Variants in NFATC2IP observed in about 807,000 individuals in gnomAD.
NFATC2IP encodes the protein NFATC2-interacting protein.
Under a neutral mutation model 40.2 loss-of-function variants are expected in NFATC2IP, and 25 were observed. That is an observed-to-expected ratio of 0.62 (90% CI 0.45 to 0.87). NFATC2IP has a LOEUF of 0.87. Among genes scored for constraint, NFATC2IP ranks in the 40% least tolerant of loss-of-function variants. The pLI, the probability that NFATC2IP is intolerant of heterozygous loss-of-function variation, is 0.00. For synonymous variants in NFATC2IP, 241 were observed against 236.3 expected (o/e 1.02, Z -0.18); for missense variants, 553 against 555.6 (o/e 1.00, Z 0.05).
chr16:28,956,206 CA>C lies in NFATC2IP; in HGVS notation c.716del (p.Gln239ArgfsTer84). 6.2e-7 allele frequency: 1 copy of C among 1,614,100 alleles called. No individual in the cohort carries two copies. The highest frequency in any genetic ancestry group is 8.5e-7 in the Non-Finnish European group (1 of 1,179,994). On this transcript the variant is annotated frameshift_variant, in exon 5 of 8. Transcript: ENST00000320805. LOFTEE classifies it high-confidence loss of function. Reference sequence around the variant, plus strand: ...TTCCTGTCTGAGCCCCAAGCCACCTCAGGGTCAAGAGCAACAGGGCCAAGAG... The same window carrying C: ...TTCCTGTCTGAGCCCCAAGCCACCTCGGGTCAAGAGCAACAGGGCCAAGAG... ...LRSCLSPKPP[Q>X]GQEQQGQEDE...
intron 5 of NFATC2IP, 27 bp downstream of exon 5, chr16:28,956,364 G>A (rs1156578349): frequency 6.3e-7 from 1 of 1,587,414 alleles, no homozygotes; most frequent in Non-Finnish European, 8.6e-7. Context: ...CATGGGAGAA[G>A]GACCCAGGAG....
intron 7 of NFATC2IP, among the ~76,000 whole-genome samples, chr16:28,960,003 TGA>T (rs1311911663): frequency 2.6e-5 from 4 of 152,228 alleles, no homozygotes; most frequent in African/African-American, 9.6e-5. Flanking sequence ...TGGTTCCGTC[TGA>T]GAATCTGAGT....
intron 3 of NFATC2IP, among the ~76,000 whole-genome samples, chr16:28,955,429 A>G (rs1427611469): frequency 6.6e-6 from 1 of 152,130 alleles, no homozygotes; most frequent in East Asian, 1.9e-4. Flanking sequence ...TCTGTCGGAT[A>G]TTATTGGACA....
At chr16:28,963,638 G>C in intron 7 of NFATC2IP, 67 bp from the exon 8 acceptor site, 2 of 1,455,586 alleles carry the variant, frequency 1.4e-6, no homozygotes, top group Non-Finnish European at 1.9e-6. Flanking sequence ...CAAGTTCCTC[G>C]TCTATCCCTA....
chr16:28,963,632 T>TCC (rs1965112192), intron 7 of NFATC2IP, 73 bp from the exon 8 acceptor site: 8 of 1,380,158 alleles, frequency 5.8e-6, no homozygotes, highest in Middle Eastern at 3.8e-4. Flanking sequence ...CTGTCCCAAG[T>TCC]TCCTCGTCTA....
In NFATC2IP at chr16:28,950,960, GGGCGGGGCGAGGCGAGAGGA is replaced by G; in HGVS notation, c.-45_-26del. The stretch of plus-strand genomic sequence containing the variant: ...AATGCAAGGCGAAAGTCGCTGAAGG[GGGCGGGGCGAGGCGAGAGGA>G]GGCGGGCGTGTGTTGTGGAGGAAAG... On this transcript the variant is annotated 5_prime_UTR_variant, in exon 1 of 8. Coordinates refer to ENST00000320805, the MANE Select transcript of NFATC2IP (RefSeq NM_032815.4). 7.0e-7 allele frequency: 1 copy of G among 1,435,908 alleles called. No individual in the cohort carries two copies. The highest frequency in any genetic ancestry group is 1.5e-5 in the African/African-American group (1 of 68,070). The allele number at this position is 1,435,908 out of a possible 1,614,324, so 88.9% of individuals were successfully genotyped here.
intron 1 of NFATC2IP, 35 bp downstream of exon 1, chr16:28,951,433 G>A (rs1488115357): frequency 7.3e-7 from 1 of 1,379,052 alleles, no homozygotes; most frequent in East Asian, 2.9e-5. Context: ...CCGGCGGAAG[G>A]GCCAAGGGCT....
At chr16:28,963,674 C>T (rs1965112911) in intron 7 of NFATC2IP, 31 bp from the exon 8 acceptor site, 2 of 1,608,784 alleles carry the variant, frequency 1.2e-6, no homozygotes, top group African/African-American at 2.7e-5. Flanking sequence ...CTTTCATGTT[C>T]TGACGTCCAT....
In NFATC2IP at chr16:28,950,954, T is replaced by C; in HGVS notation, c.-58T>C. On this transcript the variant is annotated 5_prime_UTR_variant, in exon 1 of 8. Coordinates refer to ENST00000320805, the MANE Select transcript of NFATC2IP (RefSeq NM_032815.4). ...TTGTCCAATGCAAGGCGAAAGTCGC[T>C]GAAGGGGGCGGGGCGAGGCGAGAGG... The C allele has an allele frequency of 2.8e-6, 4 of 1,423,438 alleles. No homozygotes were observed. Among genetic ancestry groups the C allele is most frequent in the Non-Finnish European group, 3.7e-6 (4 of 1,094,646 alleles). The allele number at this position is 1,423,438 out of a possible 1,614,324, so 88.2% of individuals were successfully genotyped here.
rs768906176 is a variant in NFATC2IP, at chr16:28,959,099, G to A, written c.1100G>A (p.Arg367Gln). 3.7e-5 allele frequency: 58 copies of A among 1,579,196 alleles called. No homozygotes were observed. Among genetic ancestry groups the A allele is most frequent in the Non-Finnish European group, 4.7e-5 (54 of 1,148,486 alleles). ...KHQTLEVSLS[R>Q]DSPLKTLMSH... ...CAGACACTGGAAGTCTCACTGTCTCGAGTGAGTGGGAGAGATGGCTCTCCA... is the reference window on the plus strand; with the variant it reads ...CAGACACTGGAAGTCTCACTGTCTCAAGTGAGTGGGAGAGATGGCTCTCCA... The change falls in exon 7 of 8, where the codon CGA becomes CAA. Residue 367 changes from arginine to glutamine, a missense_variant and splice_region_variant. Coordinates refer to ENST00000320805, the MANE Select transcript of NFATC2IP (RefSeq NM_032815.4).
Position 28,966,931 on chromosome 16 carries a change from G to A in NFATC2IP, c.*3068G>A, listed in dbSNP as rs1965154127. On this transcript the variant is annotated 3_prime_UTR_variant, in exon 8 of 8. Transcript: ENST00000320805. Reference sequence around the variant, plus strand: ...TAAAAGTATGTCAACTTCTTAAAATGTTTTATTGAAATGTGGCATTCCTTT... The same window carrying A: ...TAAAAGTATGTCAACTTCTTAAAATATTTTATTGAAATGTGGCATTCCTTT... The A allele has an allele frequency of 6.6e-6, 1 of 152,074 alleles. No homozygotes were observed. The highest frequency in any genetic ancestry group is 1.5e-5 in the Non-Finnish European group (1 of 68,010). The allele number at this position is 152,074 out of a possible 1,614,324, so 9.4% of individuals were successfully genotyped here. A position where few individuals can be genotyped will look rare whatever the true frequency, so the allele number is the denominator to read the frequency against.
At chr16:28,956,702 A>G in intron 5 of NFATC2IP, 1 of 209,682 alleles carries the variant, frequency 4.8e-6, no homozygotes, top group Non-Finnish European at 9.6e-6. Flanking sequence ...TCCAGGTGTG[A>G]AGCATCCTGT....
rs1248681713 is a variant in NFATC2IP at position 28,966,044 on chromosome 16, C to T, written c.*2181C>T. 1 of 151,764 alleles carries T rather than the reference C, an allele frequency of 6.6e-6. No homozygotes were observed. The highest frequency in any genetic ancestry group is 6.6e-5 in the Admixed American group (1 of 15,240). 9.4% of individuals were successfully genotyped at this position (151,764 alleles called of 1,614,324 possible). On this transcript the variant is annotated 3_prime_UTR_variant, in exon 8 of 8. Coordinates refer to ENST00000320805, the MANE Select transcript of NFATC2IP (RefSeq NM_032815.4). The stretch of plus-strand genomic sequence containing the variant: ...CACATCAGCCTGAGTGACAGAGAGA[C>T]TTTGTCTCAAAAAAAAAAGAAAATT...
In NFATC2IP at chr16:28,956,152, GAGGTGAACAAGCGCCTCC is replaced by G; in HGVS notation, c.665_682del (p.Val222_Gln227del). The G allele has an allele frequency of 6.2e-7, 1 of 1,614,052 alleles. No homozygotes were observed. The highest frequency in any genetic ancestry group is 8.5e-7 in the Non-Finnish European group (1 of 1,179,974). ...CCCAGAGTCCTGTCTGCACTGCAGTGAGGTGAACAAGCGCCTCCAGGATCTCCGTTCCTGTCTGAGCCC... is the reference window on the plus strand; with the variant it reads ...CCCAGAGTCCTGTCTGCACTGCAGTGAGGATCTCCGTTCCTGTCTGAGCCC... On this transcript the variant is annotated inframe_deletion and splice_region_variant, in exon 5 of 8. Coordinates refer to ENST00000320805, the MANE Select transcript of NFATC2IP (RefSeq NM_032815.4).
At position 28,958,998 on chromosome 16, in the gene NFATC2IP, G is replaced by A. The variant is rs1299651556; in HGVS notation, c.999G>A (p.Val333=). ...TGATTCTGCCTCCCACAGACTGTGTGGTACTAACAAGTTCTCCAGAGGCCA... is the reference window on the plus strand; with the variant it reads ...TGATTCTGCCTCCCACAGACTGTGTAGTACTAACAAGTTCTCCAGAGGCCA... ...KLGVADIIDC[V]VLTSSPEATE... is the part of the protein sequence containing the mutation. Residue 333 remains valine, a synonymous_variant, in exon 7 of 8, where the codon GTG becomes GTA. Coordinates refer to ENST00000320805, the MANE Select transcript of NFATC2IP (RefSeq NM_032815.4). The A allele has an allele frequency of 3.1e-6, 5 of 1,613,174 alleles. No homozygotes were observed. In the East Asian group the frequency reaches 1.1e-4, roughly 36 times the overall value.
intron 2 of NFATC2IP, chr16:28,952,409 G>A: frequency 5.3e-6 from 4 of 755,004 alleles, no homozygotes; most frequent in Non-Finnish European, 8.1e-6. Context: ...CACCTGAAGA[G>A]ATGCTGATTC....
Position 28,965,338 on chromosome 16 carries a change from C to G in NFATC2IP, c.*1475C>G, listed in dbSNP as rs1169949778. 1 of 152,078 alleles carries G rather than the reference C, an allele frequency of 6.6e-6. No individual in the cohort carries two copies. Among genetic ancestry groups the G allele is most frequent in the Non-Finnish European group, 1.5e-5 (1 of 68,020 alleles). The allele number at this position is 152,078 out of a possible 1,614,324, so 9.4% of individuals were successfully genotyped here. A position where few individuals can be genotyped will look rare whatever the true frequency, so the allele number is the denominator to read the frequency against. Reference sequence around the variant, plus strand: ...CTGGGTATGGAGGTTCACTGGTAATCCCAGCACTTTGGGAGGCCCAGGCAG... The same window carrying G: ...CTGGGTATGGAGGTTCACTGGTAATGCCAGCACTTTGGGAGGCCCAGGCAG... On this transcript the variant is annotated 3_prime_UTR_variant, in exon 8 of 8. Transcript: ENST00000320805.
chr16:28,956,237 A>T lies in NFATC2IP; in HGVS notation c.746A>T (p.Glu249Val). 1 of 1,613,878 alleles carries T rather than the reference A, an allele frequency of 6.2e-7. No homozygotes were observed. Among genetic ancestry groups the T allele is most frequent in the Non-Finnish European group, 8.5e-7 (1 of 1,179,834 alleles). ...QGQEQQGQEDEVVLVEGPTLP... is the reference protein window; with the variant it reads ...QGQEQQGQEDVVVLVEGPTLP... Reference sequence around the variant, plus strand: ...CAAGAGCAACAGGGCCAAGAGGATGAAGTGGTCTTGGTGGAAGGGCCCACC... The same window carrying T: ...CAAGAGCAACAGGGCCAAGAGGATGTAGTGGTCTTGGTGGAAGGGCCCACC... Residue 249 changes from glutamate (E) to valine (V), a missense_variant, in exon 5 of 8, where the codon GAA (glutamate) becomes GTA (valine). Glu to Val is a moderately radical substitution (Grantham distance 121, BLOSUM62 -2). Coordinates refer to ENST00000320805, the MANE Select transcript of NFATC2IP (RefSeq NM_032815.4).
chr16:28,963,751 G>A lies in NFATC2IP; in HGVS notation c.1148G>A (p.Gly383Glu). ...ATGTCCCACTATGAGGAGGCCATGGGACTGTCGGGACGGAAGCTCTCCTTC... is the reference window on the plus strand; with the variant it reads ...ATGTCCCACTATGAGGAGGCCATGGAACTGTCGGGACGGAAGCTCTCCTTC... ...TLMSHYEEAM[G>E]LSGRKLSFFF... is the part of the protein sequence containing the mutation. The change falls in exon 8 of 8, where the codon GGA (glycine) becomes GAA (glutamate). Residue 383 changes from glycine to glutamate, a missense_variant. Gly to Glu is a moderately conservative substitution (Grantham distance 98). Coordinates refer to ENST00000320805, the MANE Select transcript of NFATC2IP (RefSeq NM_032815.4). 1.9e-6 allele frequency: 3 copies of A among 1,614,178 alleles called. No individual in the cohort carries two copies. Among genetic ancestry groups the A allele is most frequent in the Non-Finnish European group, 2.5e-6 (3 of 1,179,992 alleles).
Sources: allele counts gnomAD v4.1 joint callset (sites outside exome capture counted in the v4.1 genomes callset), GRCh38; gene constraint gnomAD v4.1.1; transcripts MANE v1.5; gene names NCBI Gene and HGNC (gene_info 2026-07-23, HGNC 2026-07-21).